Variants in MALAT1 observed in about 807,000 individuals in gnomAD.
The protein encoded by MALAT1 is metastasis associated lung adenocarcinoma transcript 1.
intron 1 of MALAT1, chr11:65,498,109 A>G (rs751423054): frequency 1.9e-6 from 1 of 518,954 alleles, no homozygotes; most frequent in Non-Finnish European, 3.8e-6. Flanking sequence ...AGAATCTGCA[A>G]AACAAAAACC....
chr11:65,504,091 G>GGA (rs1444297132), intron 3 of MALAT1: 2 of 517,698 alleles, frequency 3.9e-6, no homozygotes, highest in East Asian at 5.4e-5. Flanking sequence ...TATAGGGAAG[G>GGA]GAGGGGGTGC....
intron 1 of MALAT1, chr11:65,497,929 G>C: frequency 3.9e-6 from 2 of 518,880 alleles, no homozygotes; most frequent in South Asian, 2.8e-5. Context: ...GCAGCGACGA[G>C]TTGTGCTGCT....
chr11:65,503,926 T>C (rs1396939800), intron 3 of MALAT1: 1 of 516,650 alleles, frequency 1.9e-6, no homozygotes, highest in Non-Finnish European at 3.9e-6. Context: ...ATGATCAGAG[T>C]AAAAGGTAAT....
exon 3 of MALAT1, chr11:65,503,598 C>T (rs767238952): frequency 5.9e-6 from 3 of 509,336 alleles, no homozygotes; most frequent in Non-Finnish European, 1.2e-5. Flanking sequence ...TTAAATCATT[C>T]AAAATAATAA....
chr11:65,499,882 G>A (rs919239873), exon 3 of MALAT1: 3 of 430,946 alleles, frequency 7.0e-6, no homozygotes, highest in African/African-American at 2.1e-5. Context: ...TGAAAATATT[G>A]TCAAGAGTTT....
exon 3 of MALAT1, chr11:65,500,549 T>G (rs920840953): frequency 1.5e-5 from 8 of 518,588 alleles, no homozygotes; most frequent in Admixed American, 3.9e-5. Context: ...GCCAGTGCGA[T>G]TTGGTGAAGG....
At chr11:65,500,659 CGGCTT>C (rs1329375254) in exon 3 of MALAT1, 4 of 518,802 alleles carry the variant, frequency 7.7e-6, no homozygotes, top group African/African-American at 1.9e-5. Flanking sequence ...AGGTAGCAGG[CGGCTT>C]GGCTTGGCAA....
At chr11:65,499,656 A>T in exon 3 of MALAT1, 1 of 437,050 alleles carries the variant, frequency 2.3e-6, no homozygotes, top group Non-Finnish European at 4.5e-6. Context: ...TAGAAGTTTG[A>T]AGTGGAAAAC....
At chr11:65,498,223 G>A in intron 1 of MALAT1, 1 of 518,856 alleles carries the variant, frequency 1.9e-6, no homozygotes, top group Non-Finnish European at 3.8e-6. Context: ...CGCTTAGTTG[G>A]TCTACTTTAA....
At chr11:65,502,658 C>G (rs755942337) in exon 3 of MALAT1, 5 of 482,964 alleles carry the variant, frequency 1.0e-5, no homozygotes. Flanking sequence ...ATAACATCTT[C>G]TGAGTCATAA....
chr11:65,500,911 G>A (rs1854531325), exon 3 of MALAT1: 1 of 513,786 alleles, frequency 1.9e-6, no homozygotes, highest in Non-Finnish European at 3.9e-6. Context: ...GGGTGTTGTA[G>A]GTTTCTCTTT....
exon 3 of MALAT1, chr11:65,499,297 A>G (rs749551109): frequency 3.9e-6 from 2 of 512,304 alleles, no homozygotes; most frequent in Non-Finnish European, 7.8e-6. Context: ...TTTCTAAAAC[A>G]TGACGGAGGT....
chr11:65,501,919 T>C (rs780911687), exon 3 of MALAT1: 1 of 517,670 alleles, frequency 1.9e-6, no homozygotes, highest in African/African-American at 1.9e-5. Flanking sequence ...AGGTAATTGT[T>C]TAGTTTATGA....
exon 3 of MALAT1, chr11:65,499,466 A>C (rs778662468): frequency 3.0e-5 from 14 of 465,538 alleles, no homozygotes; most frequent in Non-Finnish European, 5.5e-5. Context: ...GTTGTAGGTG[A>C]TTAAAATAAT....
chr11:65,498,354 G>C (rs779101609), intron 1 of MALAT1: 1 of 517,968 alleles, frequency 1.9e-6, no homozygotes, highest in Non-Finnish European at 3.9e-6. Flanking sequence ...CGGCAACTGG[G>C]GGGCCGCAGA....
chr11:65,505,018 A>G (rs549768128), intron 3 of MALAT1: 1 of 518,954 alleles, frequency 1.9e-6, no homozygotes, highest in Non-Finnish European at 3.8e-6. Context: ...TGAGGAAAAC[A>G]GGTGAACAAG....
At chr11:65,502,582 CTT>C (rs1398722170) in exon 3 of MALAT1, 1 of 482,370 alleles carries the variant, frequency 2.1e-6, no homozygotes, top group African/African-American at 2.0e-5. Flanking sequence ...TTGAATGTCT[CTT>C]AGAGGGTGGG....
exon 3 of MALAT1, chr11:65,502,551 T>G (rs747499869): frequency 2.1e-6 from 1 of 484,444 alleles, no homozygotes; most frequent in Non-Finnish European, 4.0e-6. Flanking sequence ...TGTAACTGAT[T>G]AAGAATTGTG....
chr11:65,502,934 C>A, exon 3 of MALAT1: 1 of 494,314 alleles, frequency 2.0e-6, no homozygotes, highest in Non-Finnish European at 4.0e-6. Flanking sequence ...ATGAGAAATA[C>A]AATGAAGAGG....
Sources: gnomAD v4.1 joint callset for allele counts on GRCh38, gnomAD v4.1.1 for gene constraint, MANE v1.5 for transcripts, NCBI Gene and HGNC (gene_info 2026-07-23, HGNC 2026-07-21) for gene names.